The following PCDH15 variants were observed in gnomAD, a reference collection of about 807,000 sequenced individuals.
PCDH15 encodes protocadherin-15.
PCDH15 carries 129 observed loss-of-function variants against 178.5 expected under a neutral mutation model. That is an observed-to-expected ratio of 0.72 (90% confidence interval 0.63 to 0.84). The LOEUF (loss-of-function observed/expected upper bound fraction) is 0.84. PCDH15 is among the 40% of genes least tolerant of loss of function. The pLI is 0.00. For missense variants in PCDH15, 2,230 were observed against 2,099.9 expected, an observed-to-expected ratio of 1.06 and a Z score of -1.21; for synonymous variants, 800 against 732.0, an observed-to-expected ratio of 1.09 and a Z score of -1.50.
chr10:55,186,467 T>A (rs1839802143), intron 1 of PCDH15, among the ~76,000 whole-genome samples: 2 of 151,474 alleles, frequency 1.3e-5, no homozygotes, highest in Admixed American at 1.3e-4. Flanking sequence ...GTTTGCCTAC[T>A]GTCTTTCATT....
rs563496545 is a variant in PCDH15 at position 55,437,928 on chromosome 10, C to T, written c.-156+189697G>A. ...TCTCGGCTCACCGCAACCTCTGCCT[C>T]CCGGGTTCAAGCAGTTCTCCTGCCT... On this transcript the variant is annotated intron_variant, in intron 2 of 5. Transcript: ENST00000613346. Among the ~76,000 whole-genome samples the T allele has an allele frequency of 4.0e-5, 6 of 149,426 alleles. No homozygotes were observed. The East Asian group carries it at 1.2e-3, about 30-fold the overall frequency.
At chr10:53,855,051 C>T (rs536542990) in intron 28 of PCDH15, among the ~76,000 whole-genome samples, 3 of 151,986 alleles carry the variant, frequency 2.0e-5, no homozygotes, top group East Asian at 3.9e-4. Context: ...TAAATTTTGT[C>T]TCAAAATAAA....
In PCDH15 at chr10:55,304,837, T is replaced by C. The variant is rs376665286; in HGVS notation, c.-156+14762A>G. The stretch of plus-strand genomic sequence containing the variant: ...TGGCAATATCCAATGATTATCTGTA[T>C]ATGGATGTTGTAAAGTTCTCTTATA... On this transcript the variant is annotated intron_variant, in intron 1 of 5. Transcript: ENST00000458638. Among the ~76,000 whole-genome samples the C allele has an allele frequency of 2.0e-5, 3 of 152,208 alleles. No individual in the cohort carries two copies. In the East Asian group the frequency reaches 5.8e-4, roughly 29 times the overall value.
rs192518594 is a variant in PCDH15 at position 54,745,191 on chromosome 10, T to C, written c.-29+55734A>G. Among the ~76,000 whole-genome samples, 6 of 152,268 alleles carry C rather than the reference T, an allele frequency of 3.9e-5. No individual in the cohort carries two copies. In the East Asian group the frequency reaches 9.7e-4, roughly 25 times the overall value. ...TATGGTTGTGGCAGATAATAAAAAATTAAATTCTTCTTCCAAAGCTAAGTT... is the reference window on the plus strand; with the variant it reads ...TATGGTTGTGGCAGATAATAAAAAACTAAATTCTTCTTCCAAAGCTAAGTT... On this transcript the variant is annotated intron_variant, in intron 1 of 37. Transcript: ENST00000644397.
chr10:54,253,860 A>G (rs985181134), intron 8 of PCDH15, among the ~76,000 whole-genome samples: 1 of 151,998 alleles, frequency 6.6e-6, no homozygotes, highest in Non-Finnish European at 1.5e-5. Context: ...TTTTAATTTA[A>G]TAGAACACAT....
intron 2 of PCDH15, among the ~76,000 whole-genome samples, chr10:55,055,454 C>T (rs1339147597): frequency 2.6e-5 from 4 of 152,092 alleles, no homozygotes; most frequent in Non-Finnish European, 4.4e-5. Flanking sequence ...TCGTATATAT[C>T]CATCTGCTTA....
chr10:55,333,771 G>GT (rs1844277667), intron 2 of PCDH15, among the ~76,000 whole-genome samples: 1 of 151,578 alleles, frequency 6.6e-6, no homozygotes, highest in Non-Finnish European at 1.5e-5. Context: ...GTCAGTGCCG[G>GT]TTACATAATT....
intron 5 of PCDH15, among the ~76,000 whole-genome samples, chr10:54,364,819 A>G (rs1043846978): frequency 1.3e-5 from 2 of 152,174 alleles, no homozygotes; most frequent in Non-Finnish European, 2.9e-5. Flanking sequence ...TCTGAAAATG[A>G]ATTCACTTCC....
At chr10:54,734,444 G>A (rs986791162) in intron 1 of PCDH15, among the ~76,000 whole-genome samples, 1 of 151,856 alleles carries the variant, frequency 6.6e-6, no homozygotes, top group Non-Finnish European at 1.5e-5. Context: ...ACACACTCAT[G>A]CATTGCTGGT....
chr10:54,418,980 A>G (rs1347717322), intron 3 of PCDH15, among the ~76,000 whole-genome samples: 4 of 152,028 alleles, frequency 2.6e-5, no homozygotes, highest in Admixed American at 1.3e-4. Context: ...TTACAAACAC[A>G]TAAAAACCAA....
chr10:55,102,487 A>T (rs762384916), intron 2 of PCDH15, among the ~76,000 whole-genome samples: 8 of 152,180 alleles, frequency 5.3e-5, no homozygotes, highest in Non-Finnish European at 1.2e-4. Flanking sequence ...TGATGGAATA[A>T]CAGCAATAAC....
intron 8 of PCDH15, among the ~76,000 whole-genome samples, chr10:54,240,921 G>T (rs11004158): frequency 9.9e-5 from 15 of 151,896 alleles, no homozygotes; most frequent in Admixed American, 2.6e-4. Flanking sequence ...GTGAGCCACC[G>T]CGCCTGGCCA....
At chr10:54,096,637 T>C (rs529515091) in intron 15 of PCDH15, among the ~76,000 whole-genome samples, 1 of 152,308 alleles carries the variant, frequency 6.6e-6, no homozygotes, top group Admixed American at 6.5e-5. Context: ...CTTCTCATTC[T>C]ACACTTACAT....
chr10:55,207,646 G>GT (rs796581690), intron 1 of PCDH15, among the ~76,000 whole-genome samples: 33 of 151,830 alleles, frequency 2.2e-4, no homozygotes, highest in African/African-American at 4.1e-4. Context: ...ATTTTTTCTT[G>GT]TTTTTTTTGA....
intron 1 of PCDH15, among the ~76,000 whole-genome samples, chr10:54,686,226 A>T (rs1000504701): frequency 4.6e-5 from 7 of 151,836 alleles, no homozygotes; most frequent in African/African-American, 1.7e-4. Context: ...CTAGAAAATT[A>T]AAATCATCAG....
intron 2 of PCDH15, among the ~76,000 whole-genome samples, chr10:54,542,922 C>G (rs2085417583): frequency 6.6e-6 from 1 of 152,130 alleles, no homozygotes; most frequent in Non-Finnish European, 1.5e-5. Flanking sequence ...CAGGCAGATA[C>G]AAATACAGGT....
rs1376777913 is a variant in PCDH15 at position 54,199,564 on chromosome 10, C to CAATAATAATAATAATAAT, written c.1099-3676_1099-3675insATTATTATTATTATTATT. ...TTAAAATGTTGAATTTAAACAACAA[C>CAATAATAATAATAATAAT]AACAACAATAATAATAATAATAATA... On this transcript the variant is annotated intron_variant, in intron 10 of 37. Transcript: ENST00000644397. Among the ~76,000 whole-genome samples the CAATAATAATAATAATAAT allele has an allele frequency of 2.7e-3, 217 of 79,274 alleles. 2 individuals carry two copies. The highest frequency in any genetic ancestry group is 8.2e-3 in the African/African-American group (208 of 25,356). 52.0% of individuals were successfully genotyped at this position (79,274 alleles called of 152,430 possible).
At chr10:54,650,277 G>T (rs1348066576) in intron 2 of PCDH15, among the ~76,000 whole-genome samples, 1 of 152,084 alleles carries the variant, frequency 6.6e-6, no homozygotes, top group Non-Finnish European at 1.5e-5. Flanking sequence ...TAACAGATTT[G>T]CTCTCAGATT....
intron 23 of PCDH15, among the ~76,000 whole-genome samples, chr10:53,958,332 A>T (rs11003944): frequency 0.011 from 1,615 of 152,276 alleles, 28 homozygotes; most frequent in African/African-American, 0.034. Flanking sequence ...CATAGGCTGA[A>T]TATTTGGTGT....
Sources: allele counts gnomAD v4.1 joint callset (sites outside exome capture counted in the v4.1 genomes callset), GRCh38; gene constraint gnomAD v4.1.1; transcripts MANE v1.5; gene names NCBI Gene and HGNC (gene_info 2026-07-23, HGNC 2026-07-21).